The following STARD13 variants were observed in gnomAD, a reference collection of about 807,000 sequenced individuals.
STARD13 encodes StAR related lipid transfer domain containing 13.
STARD13 carries 62 observed loss-of-function variants against 106.4 expected under a neutral mutation model. The observed-to-expected ratio is 0.58, with a 90% CI of 0.48 to 0.72. The LOEUF is 0.72. Ranked by LOEUF, STARD13 falls within the 30% of genes least tolerant of loss-of-function variation. STARD13 has a pLI of 0.00. For synonymous variants in STARD13, 565 were observed against 553.0 expected, an observed-to-expected ratio of 1.02 and a Z score of -0.31; for missense variants, 1,387 against 1,424.0, an observed-to-expected ratio of 0.97 and a Z score of 0.42.
At position 33,284,556 on chromosome 13, in the gene STARD13, C is replaced by T. The variant is rs576660734; in HGVS notation, c.169+914G>A. On this transcript the variant is annotated intron_variant, in intron 1 of 13. Coordinates refer to ENST00000336934, the MANE Select transcript of STARD13 (RefSeq NM_178006.4). Reference sequence around the variant, plus strand: ...ACGTGTGTTAGGGGCTTCTTAGGAACGGCTCTAAAAATTCCTGGTTAACTT... The same window carrying T: ...ACGTGTGTTAGGGGCTTCTTAGGAATGGCTCTAAAAATTCCTGGTTAACTT... Among the ~76,000 whole-genome samples the T allele has an allele frequency of 2.8e-4, 42 of 150,168 alleles. 1 individual carries two copies. In the South Asian group the frequency reaches 5.9e-3, roughly 21 times the overall value.
At chr13:33,528,229 T>TATATATATATATAC in the STARD13 span, among the ~76,000 whole-genome samples, 17 of 130,926 alleles carry the variant, frequency 1.3e-4, no homozygotes, top group South Asian at 4.5e-4. Flanking sequence ...TGTGTGTGTA[T>TATATATATATATAC]ATATATATAT....
At chr13:33,126,327 CT>C in intron 6 of STARD13, 87 bp from the exon 7 acceptor site, 1 of 1,352,534 alleles carries the variant, frequency 7.4e-7, no homozygotes, top group Non-Finnish European at 1.0e-6. Context: ...GGAAGCCAGG[CT>C]TTTGTTGGAA....
the STARD13 span, among the ~76,000 whole-genome samples, chr13:33,584,049 T>C: frequency 6.6e-6 from 1 of 152,232 alleles, no homozygotes; most frequent in African/African-American, 2.4e-5. Context: ...CATACTATTT[T>C]CCACAGTGAT....
chr13:33,637,391 C>T, the STARD13 span, among the ~76,000 whole-genome samples: 1 of 152,156 alleles, frequency 6.6e-6, no homozygotes, highest in African/African-American at 2.4e-5. Flanking sequence ...ATTTGCATGG[C>T]CCATACCCTC....
intron 3 of STARD13, among the ~76,000 whole-genome samples, chr13:33,157,130 T>C (rs1044628317): frequency 6.6e-6 from 1 of 152,146 alleles, no homozygotes; most frequent in African/African-American, 2.4e-5. Flanking sequence ...TATGTGTAGA[T>C]AAATTGTAGA....
At chr13:33,122,345 T>C (rs1876463438) in intron 7 of STARD13, among the ~76,000 whole-genome samples, 2 of 152,214 alleles carry the variant, frequency 1.3e-5, no homozygotes, top group Non-Finnish European at 2.9e-5. Flanking sequence ...TCAGCTTCGT[T>C]ATGAGGAAGA....
the STARD13 span, among the ~76,000 whole-genome samples, chr13:33,516,517 C>T: frequency 2.6e-5 from 4 of 152,046 alleles, no homozygotes; most frequent in Admixed American, 2.0e-4. Context: ...AATCCATATC[C>T]AAAGTTAATT....
chr13:33,397,110 C>T, the STARD13 span, among the ~76,000 whole-genome samples: 1 of 152,186 alleles, frequency 6.6e-6, no homozygotes, highest in Non-Finnish European at 1.5e-5. Context: ...TAGAAAGAAA[C>T]TCCATGAGGC....
At chr13:33,388,707 T>C in the STARD13 span, among the ~76,000 whole-genome samples, 26 of 152,164 alleles carry the variant, frequency 1.7e-4, no homozygotes, top group African/African-American at 6.0e-4. Flanking sequence ...GGACCTGAAA[T>C]TACCTACTTG....
the STARD13 span, among the ~76,000 whole-genome samples, chr13:33,669,530 CTT>C: frequency 4.0e-3 from 412 of 103,110 alleles, no homozygotes; most frequent in African/African-American, 0.017. Context: ...AGAGGATGTT[CTT>C]TTTTTTTTTT....
At chr13:33,246,636 A>G (rs1889835732) in intron 1 of STARD13, among the ~76,000 whole-genome samples, 1 of 152,258 alleles carries the variant, frequency 6.6e-6, no homozygotes, top group Non-Finnish European at 1.5e-5. Context: ...CCAAAGATAT[A>G]GAAGATATTC....
chr13:33,359,334 C>T, the STARD13 span: 41 of 164,586 alleles, frequency 2.5e-4, no homozygotes, highest in East Asian at 7.2e-4. Flanking sequence ...TAACACTCAC[C>T]GCGAAGGTCT....
At chr13:33,475,901 G>C in the STARD13 span, among the ~76,000 whole-genome samples, 1 of 151,998 alleles carries the variant, frequency 6.6e-6, no homozygotes, top group Non-Finnish European at 1.5e-5. Context: ...AGGTTGCAGC[G>C]AGCCGAGATG....
chr13:33,171,337 A>G lies in STARD13; in HGVS notation c.170-3715T>C, dbSNP rs534852662. Among the ~76,000 whole-genome samples the G allele has an allele frequency of 8.5e-5, 13 of 152,350 alleles. No homozygotes were observed. In the East Asian group the frequency reaches 2.1e-3, roughly 25 times the overall value. On this transcript the variant is annotated intron_variant, in intron 1 of 13. Transcript: ENST00000336934. ...TGGACCTGGACAGAAGGGCCCACCAATCTCTACGGAGGTTACTGTGCTGCT... is the reference window on the plus strand; with the variant it reads ...TGGACCTGGACAGAAGGGCCCACCAGTCTCTACGGAGGTTACTGTGCTGCT...
intron 1 of STARD13, among the ~76,000 whole-genome samples, chr13:33,330,766 TCCAAG>T (rs1425966069): frequency 6.6e-6 from 1 of 152,074 alleles, no homozygotes; most frequent in Non-Finnish European, 1.5e-5. Context: ...AACTTGCAAA[TCCAAG>T]TAAGGGCACC....
At chr13:33,185,794 G>T in intron 1 of STARD13, 2 of 1,359,634 alleles carry the variant, frequency 1.5e-6, no homozygotes, top group Non-Finnish European at 1.0e-6. Flanking sequence ...CCTGACCACT[G>T]CCACTGAGGC....
At chr13:33,568,114 C>T in the STARD13 span, among the ~76,000 whole-genome samples, 115 of 148,018 alleles carry the variant, frequency 7.8e-4, 12 homozygotes, top group South Asian at 0.024. Flanking sequence ...ATTAAGTTTA[C>T]TCTGCCAAAC....
chr13:33,439,769 CT>C, the STARD13 span: 24 of 1,016,884 alleles, frequency 2.4e-5, no homozygotes, highest in South Asian at 3.1e-4. Context: ...AATTATACCA[CT>C]TTTGTGAAGA....
At chr13:33,203,147 G>GT (rs1413836837) in intron 1 of STARD13, among the ~76,000 whole-genome samples, 2 of 152,120 alleles carry the variant, frequency 1.3e-5, no homozygotes, top group East Asian at 3.9e-4. Context: ...GTTGAATGGC[G>GT]TGGCTCCCAA....
Sources: allele counts gnomAD v4.1 joint callset (sites outside exome capture counted in the v4.1 genomes callset), GRCh38; gene constraint gnomAD v4.1.1; transcripts MANE v1.5; gene names NCBI Gene and HGNC (gene_info 2026-07-23, HGNC 2026-07-21).